CPVL: variants seen among roughly 807,000 people sequenced by gnomAD.
CPVL encodes carboxypeptidase vitellogenic like.
CPVL carries 51 observed loss-of-function variants against 63.7 expected under a neutral mutation model. The ratio of observed to expected loss-of-function variants is 0.80; its 90% CI spans 0.64 to 1.01. The LOEUF is 1.01. CPVL is among the 50% of genes least tolerant of loss of function. The pLI is 0.00. For missense variants in CPVL, 530 were observed against 573.1 expected, an observed-to-expected ratio of 0.92 and a Z score of 0.77; for synonymous variants, 195 against 206.0, an observed-to-expected ratio of 0.95 and a Z score of 0.46.
chr7:29,037,442 A>G (rs1788641312), intron 11 of CPVL, among the ~76,000 whole-genome samples: 1 of 151,178 alleles, frequency 6.6e-6, no homozygotes, highest in East Asian at 2.0e-4. Flanking sequence ...AGTCCCAGCT[A>G]CTTGGGAGGC....
chr7:29,152,250 T>G (rs903094877), intron 5 of CPVL, among the ~76,000 whole-genome samples: 21 of 152,218 alleles, frequency 1.4e-4, no homozygotes, highest in African/African-American at 4.8e-4. Context: ...TTGCTTTTTA[T>G]GCGTGGCAGC....
At chr7:29,139,864 T>C (rs975677518) in intron 1 of CPVL, among the ~76,000 whole-genome samples, 4 of 152,196 alleles carry the variant, frequency 2.6e-5, no homozygotes, top group African/African-American at 9.6e-5. Flanking sequence ...TTATTTCCAC[T>C]TGACTTGCTG....
intron 3 of CPVL, among the ~76,000 whole-genome samples, chr7:29,103,180 T>TGGGGG (rs10568146): frequency 0.014 from 792 of 55,944 alleles, 189 homozygotes; most frequent in Non-Finnish European, 0.022. Flanking sequence ...GTTAATATAC[T>TGGGGG]GGGGGGGGGG....
intron 1 of CPVL, among the ~76,000 whole-genome samples, chr7:29,128,827 C>T (rs1790371082): frequency 6.6e-6 from 1 of 152,014 alleles, no homozygotes; most frequent in African/African-American, 2.4e-5. Flanking sequence ...GGTAGATGAT[C>T]TGAGACTGAG....
At chr7:28,998,047 A>G (rs1405787838) in intron 12 of CPVL, among the ~76,000 whole-genome samples, 1 of 152,144 alleles carries the variant, frequency 6.6e-6, no homozygotes, top group Non-Finnish European at 1.5e-5. Context: ...CCCACTTTTT[A>G]TCACAAACTG....
intron 7 of CPVL, among the ~76,000 whole-genome samples, chr7:29,075,117 ATCTCTCTTGACCCTT>A (rs1784114457): frequency 6.6e-6 from 1 of 152,138 alleles, no homozygotes. Flanking sequence ...GTAATAAAAC[ATCTCTCTTGACCCTT>A]TCTGACATGG....
At chr7:29,166,908 T>C (rs1795996040) in intron 5 of CPVL, among the ~76,000 whole-genome samples, 2 of 152,168 alleles carry the variant, frequency 1.3e-5, no homozygotes, top group South Asian at 4.1e-4. Flanking sequence ...CCTTGACTAC[T>C]AGTTCTACTA....
chr7:29,115,020 C>A (rs1346226614), intron 2 of CPVL, among the ~76,000 whole-genome samples: 1 of 152,100 alleles, frequency 6.6e-6, no homozygotes, highest in African/African-American at 2.4e-5. Flanking sequence ...GGTTTCCTAG[C>A]CTGACAGACC....
intron 12 of CPVL, among the ~76,000 whole-genome samples, chr7:29,002,795 C>T (rs1399838223): frequency 1.4e-5 from 2 of 147,070 alleles, no homozygotes; most frequent in Non-Finnish European, 3.0e-5. Context: ...AGAAGAAACA[C>T]TATATGAACT....
intron 5 of CPVL, among the ~76,000 whole-genome samples, chr7:29,175,979 G>A (rs1369922590): frequency 6.6e-6 from 1 of 152,126 alleles, no homozygotes; most frequent in Non-Finnish European, 1.5e-5. Context: ...AAGGTCAGGA[G>A]ATCAAGACCA....
chr7:29,045,238 T>A (rs1164838573), intron 11 of CPVL, among the ~76,000 whole-genome samples: 1 of 152,204 alleles, frequency 6.6e-6, no homozygotes, highest in Non-Finnish European at 1.5e-5. Context: ...GGTATTCTCT[T>A]TTCCCTTTAT....
At chr7:29,079,362 C>CT (rs1784491100) in intron 7 of CPVL, among the ~76,000 whole-genome samples, 1 of 152,202 alleles carries the variant, frequency 6.6e-6, no homozygotes, top group African/African-American at 2.4e-5. Context: ...TCACCACCAT[C>CT]TTCAGGCCCT....
chr7:29,089,863 T>C (rs1283196642), intron 6 of CPVL, among the ~76,000 whole-genome samples: 4 of 150,606 alleles, frequency 2.7e-5, no homozygotes, highest in African/African-American at 9.8e-5. Context: ...TTGAATTCTT[T>C]TTTTTTTTTT....
intron 3 of CPVL, among the ~76,000 whole-genome samples, chr7:29,103,290 T>G (rs1391797154): frequency 3.6e-5 from 5 of 140,366 alleles, no homozygotes; most frequent in Admixed American, 1.5e-4. Flanking sequence ...CTGTCGCCCA[T>G]GCTGGAGTGC....
At chr7:29,133,520 G>C (rs1231595337) in intron 1 of CPVL, among the ~76,000 whole-genome samples, 1 of 152,158 alleles carries the variant, frequency 6.6e-6, no homozygotes, top group African/African-American at 2.4e-5. Context: ...CTCAAAATGA[G>C]AGTGCCTCTC....
At chr7:29,191,113 T>C (rs1431399831) in intron 1 of CPVL, among the ~76,000 whole-genome samples, 1 of 152,038 alleles carries the variant, frequency 6.6e-6, no homozygotes, top group African/African-American at 2.4e-5. Context: ...ATTTTTTATG[T>C]TTTTAGAGAT....
At chr7:29,178,906 A>G (rs1291364650) in intron 5 of CPVL, among the ~76,000 whole-genome samples, 1 of 152,228 alleles carries the variant, frequency 6.6e-6, no homozygotes, top group Non-Finnish European at 1.5e-5. Flanking sequence ...GAGTTATTAC[A>G]AACTAATAAA....
At chr7:29,180,538 C>T (rs1161841682) in intron 5 of CPVL, among the ~76,000 whole-genome samples, 4 of 145,884 alleles carry the variant, frequency 2.7e-5, no homozygotes, top group African/African-American at 1.0e-4. Context: ...AGCAAGACTC[C>T]ATCTCAAAAA....
chr7:29,120,822 A>C (rs75239291), intron 2 of CPVL, 71 bp downstream of exon 2: 1 of 904,436 alleles, frequency 1.1e-6, no homozygotes. Flanking sequence ...TCGTCTCAAA[A>C]AAAAAAAAAA....
Sources: allele counts gnomAD v4.1 joint callset (sites outside exome capture counted in the v4.1 genomes callset), GRCh38; gene constraint gnomAD v4.1.1; transcripts MANE v1.5; gene names NCBI Gene and HGNC (gene_info 2026-07-23, HGNC 2026-07-21).